Variants in LPXN observed in about 807,000 individuals in gnomAD.
LPXN encodes the protein leupaxin.
A neutral mutation model predicts 45.6 loss-of-function variants in LPXN; 28 were observed. The ratio of observed to expected loss-of-function variants is 0.61; its 90% CI spans 0.45 to 0.84. The LOEUF is 0.84. Ranked by LOEUF, LPXN falls within the 40% of genes least tolerant of loss-of-function variation. The probability of loss-of-function intolerance (pLI) is 0.00; values close to 1 mark genes in which losing one functional copy is unlikely to be tolerated. For synonymous variants in LPXN, 166 were observed against 169.9 expected, an observed-to-expected ratio of 0.98 and a Z score of 0.18; for missense variants, 459 against 475.0, an observed-to-expected ratio of 0.97 and a Z score of 0.31.
chr11:58,574,937 G>A, intron 1 of LPXN, among the ~76,000 whole-genome samples: 1 of 152,020 alleles, frequency 6.6e-6, no homozygotes, highest in Non-Finnish European at 1.5e-5. Context: ...CCCCAAACCA[G>A]GACACTGTGG....
chr11:58,578,422 A>C (rs1265500447), upstream of LPXN, among the ~76,000 whole-genome samples: 1 of 152,200 alleles, frequency 6.6e-6, no homozygotes, highest in Non-Finnish European at 1.5e-5. Flanking sequence ...GGTTAAGTTA[A>C]CGGTGCGCAT....
At chr11:58,541,918 T>A (rs1853736078) in intron 7 of LPXN, among the ~76,000 whole-genome samples, 2 of 152,028 alleles carry the variant, frequency 1.3e-5, no homozygotes, top group South Asian at 4.1e-4. Context: ...GAAATCATCA[T>A]TCTCAGTAAA....
Position 58,534,193 on chromosome 11 carries a change from C to T in LPXN, c.743-6002G>A, listed in dbSNP as rs371013514. Among the ~76,000 whole-genome samples the T allele has an allele frequency of 3.8e-4, 58 of 152,322 alleles. No homozygotes were observed. In the South Asian group the frequency reaches 0.011, roughly 28 times the overall value. ...GCAGACCTGATAGACATCTATACAA[C>T]TCTCCACCCGAAATCAACAGAATAT... On this transcript the variant is annotated intron_variant, in intron 7 of 8. Transcript: ENST00000395074.
At chr11:58,542,476 A>C (rs1372685657) in intron 7 of LPXN, among the ~76,000 whole-genome samples, 3 of 151,870 alleles carry the variant, frequency 2.0e-5, no homozygotes, top group Admixed American at 1.3e-4. Flanking sequence ...GTAGACATCT[A>C]AGTCCTAGGA....
At chr11:58,543,053 G>C (rs1457486259) in intron 7 of LPXN, among the ~76,000 whole-genome samples, 1 of 152,134 alleles carries the variant, frequency 6.6e-6, no homozygotes, top group Non-Finnish European at 1.5e-5. Context: ...TCAGGGGTCT[G>C]CTTAAGAGAA....
chr11:58,543,723 T>C (rs1853798332), intron 7 of LPXN, among the ~76,000 whole-genome samples: 1 of 152,186 alleles, frequency 6.6e-6, no homozygotes, highest in Non-Finnish European at 1.5e-5. Context: ...TTGACATCTC[T>C]GTGGGAACTG....
chr11:58,537,405 A>G (rs1283949445), intron 7 of LPXN, among the ~76,000 whole-genome samples: 6 of 152,068 alleles, frequency 3.9e-5, no homozygotes, highest in African/African-American at 7.2e-5. Context: ...GCAAACTAAC[A>G]CAGGAACAGA....
At chr11:58,574,145 G>A (rs1408351067) in intron 1 of LPXN, among the ~76,000 whole-genome samples, 3 of 152,230 alleles carry the variant, frequency 2.0e-5, no homozygotes, top group African/African-American at 4.8e-5. Context: ...CTGTGGAGAC[G>A]TAGCCAACTG....
At position 58,547,583 on chromosome 11, in the gene LPXN, A is replaced by G. The variant is rs547572139; in HGVS notation, c.742+2203T>C. Among the ~76,000 whole-genome samples, 6 of 152,272 alleles carry G rather than the reference A, an allele frequency of 3.9e-5. No individual in the cohort carries two copies. In the East Asian group the frequency reaches 1.2e-3, roughly 29 times the overall value. ...GAGCAGGCAGGTGTCAAGGCTGGCA[A>G]TAAGGGTGAGGGTGGTAGATAACAA... On this transcript the variant is annotated intron_variant, in intron 7 of 8. Coordinates refer to ENST00000395074, the MANE Select transcript of LPXN (RefSeq NM_004811.3).
At chr11:58,576,165 ATCTT>A (rs1379007877), upstream of LPXN, among the ~76,000 whole-genome samples, 1 of 151,016 alleles carries the variant, frequency 6.6e-6, no homozygotes, top group African/African-American at 2.4e-5. Context: ...CACTCTGAGC[ATCTT>A]TCTTTTTTCT....
chr11:58,564,285 T>C (rs1035521360), intron 2 of LPXN, 84 bp from the exon 3 acceptor site: 11 of 845,922 alleles, frequency 1.3e-5, no homozygotes, highest in Non-Finnish European at 1.8e-5. Context: ...CCACAGTTAA[T>C]AGATGTTTGT....
In LPXN at chr11:58,556,877, C is replaced by T. The variant is rs141439841; in HGVS notation, c.219-1937G>A. 2.9e-4 allele frequency among the ~76,000 whole-genome samples: 44 copies of T among 152,164 alleles called. No homozygotes were observed. The East Asian group carries it at 8.3e-3, about 29-fold the overall frequency. On this transcript the variant is annotated intron_variant, in intron 3 of 8. Transcript: ENST00000395074. The stretch of plus-strand genomic sequence containing the variant: ...AGGAAGATCCACATATCCAATTAAA[C>T]AATGAGCAAAGGACCTGAATAGATA...
At position 58,555,313 on chromosome 11, in the gene LPXN, G is replaced by C. The variant is rs148393974; in HGVS notation, c.219-373C>G. Among the ~76,000 whole-genome samples, 399 of 152,234 alleles carry C rather than the reference G, an allele frequency of 2.6e-3. 2 individuals are homozygous for C. The highest frequency in any genetic ancestry group is 9.4e-3 in the African/African-American group (389 of 41,538). On this transcript the variant is annotated intron_variant, in intron 3 of 8. Transcript: ENST00000395074. ...CCATAGCTGCTTTTCTGAACAGTTGGGTAGTTGCTACAAAGACTTTATAGT... is the reference window on the plus strand; with the variant it reads ...CCATAGCTGCTTTTCTGAACAGTTGCGTAGTTGCTACAAAGACTTTATAGT...
At chr11:58,535,037 G>A (rs574533897) in intron 7 of LPXN, among the ~76,000 whole-genome samples, 21 of 152,002 alleles carry the variant, frequency 1.4e-4, no homozygotes, top group African/African-American at 4.3e-4. Flanking sequence ...ATAGCCTACC[G>A]ACCAAAAAAA....
Position 58,568,210 on chromosome 11 carries a change from T to C in LPXN, c.171+2346A>G, listed in dbSNP as rs900009853. 1.2e-4 allele frequency among the ~76,000 whole-genome samples: 19 copies of C among 152,348 alleles called. 1 individual carries two copies. The highest frequency in any genetic ancestry group is 4.3e-4 in the African/African-American group (18 of 41,584). ...TAGCTTTAACAGGCAGCACCCTGCATATAATTCTTGAAAGGTTGCTGCTAG... is the reference window on the plus strand; with the variant it reads ...TAGCTTTAACAGGCAGCACCCTGCACATAATTCTTGAAAGGTTGCTGCTAG... On this transcript the variant is annotated intron_variant, in intron 2 of 8. Transcript: ENST00000395074.
intron 7 of LPXN, among the ~76,000 whole-genome samples, chr11:58,539,593 G>A (rs2120245670): frequency 6.6e-6 from 1 of 152,102 alleles, no homozygotes; most frequent in Admixed American, 6.5e-5. Context: ...AAAAATTTGA[G>A]CATTAAAAAA....
chr11:58,533,110 C>T (rs997850294), intron 7 of LPXN, among the ~76,000 whole-genome samples: 7 of 152,156 alleles, frequency 4.6e-5, no homozygotes, highest in African/African-American at 9.7e-5. Context: ...GAAGAAACTC[C>T]GAACATGTCT....
At position 58,554,845 on chromosome 11, in the gene LPXN, G is replaced by A; in HGVS notation, c.314C>T (p.Ala105Val). ...ELMAHLTEMQ[A>V]KVAVRADAGK... ...CTCACCTTGGCCTGCACTCACCTTG[G>A]CCTGCATCTCAGTCAGGTGAGCCAT... is the stretch of plus-strand genomic sequence containing the variant. Residue 105 changes from alanine (A) to valine (V), a missense_variant, in exon 4 of 9, where the codon GCC becomes GTC. Ala to Val is a moderately conservative substitution (Grantham distance 64). Coordinates refer to ENST00000395074, the MANE Select transcript of LPXN (RefSeq NM_004811.3). 7 of 1,613,288 alleles carry A rather than the reference G, an allele frequency of 4.3e-6. No individual in the cohort carries two copies. The highest frequency in any genetic ancestry group is 5.9e-6 in the Non-Finnish European group (7 of 1,179,784).
chr11:58,535,053 G>A (rs541837830), intron 7 of LPXN, among the ~76,000 whole-genome samples: 2 of 152,098 alleles, frequency 1.3e-5, no homozygotes, highest in Admixed American at 6.5e-5. Context: ...AAAAAAGTCC[G>A]GGACCAGGTG....
Sources: gnomAD v4.1 joint callset for allele counts (sites outside exome capture counted in the v4.1 genomes callset) on GRCh38, gnomAD v4.1.1 for gene constraint, MANE v1.5 for transcripts, NCBI Gene and HGNC (gene_info 2026-07-23, HGNC 2026-07-21) for gene names.